PALM2AKAP2: variants seen among roughly 807,000 people sequenced by gnomAD.
PALM2AKAP2 encodes PALM2 and AKAP2 fusion, also known as PALM2-AKAP2 fusion protein.
A neutral mutation model predicts 71.5 loss-of-function variants in PALM2AKAP2; 37 were observed. The observed-to-expected ratio is 0.52, with a 90% CI of 0.40 to 0.68. PALM2AKAP2 has a LOEUF of 0.68. PALM2AKAP2 is among the 30% of genes least tolerant of loss of function. PALM2AKAP2 has a pLI of 0.00. For synonymous variants in PALM2AKAP2, 468 were observed against 478.8 expected, an observed-to-expected ratio of 0.98 and a Z score of 0.29; for missense variants, 1,224 against 1,191.8, an observed-to-expected ratio of 1.03 and a Z score of -0.40.
intron 2 of PALM2AKAP2, among the ~76,000 whole-genome samples, 174 bp from the exon 9 acceptor site, chr9:110,156,145 A>G (rs1413439160): frequency 6.6e-6 from 1 of 152,198 alleles, no homozygotes; most frequent in African/African-American, 2.4e-5. Flanking sequence ...GGGTTTGTGC[A>G]TTAACCTTAA....
At chr9:109,947,312 C>G (rs1831531508) in intron 6 of PALM2AKAP2, among the ~76,000 whole-genome samples, 1 of 152,108 alleles carries the variant, frequency 6.6e-6, no homozygotes, top group South Asian at 2.1e-4. Context: ...TGGTTAAAGT[C>G]AAGTTTTTAT....
intron 7 of PALM2AKAP2, among the ~76,000 whole-genome samples, chr9:110,029,738 C>G (rs1181133979): frequency 6.6e-6 from 1 of 152,212 alleles, no homozygotes. Flanking sequence ...AACCCAGTGA[C>G]AGAAACTATT....
chr9:110,068,658 A>C (rs1338176797), intron 1 of PALM2AKAP2, among the ~76,000 whole-genome samples: 1 of 151,940 alleles, frequency 6.6e-6, no homozygotes, highest in East Asian at 1.9e-4. Context: ...CAGCCTCCCG[A>C]GTAGCTGAGA....
At chr9:109,788,427 C>A (rs1827023275) in intron 1 of PALM2AKAP2, among the ~76,000 whole-genome samples, 3 of 152,192 alleles carry the variant, frequency 2.0e-5, no homozygotes, top group Admixed American at 2.0e-4. Flanking sequence ...AACAGTAATT[C>A]TCAAACGTTA....
intron 3 of PALM2AKAP2, among the ~76,000 whole-genome samples, chr9:110,160,679 T>C (rs537365744): frequency 3.6e-4 from 55 of 152,256 alleles, no homozygotes; most frequent in African/African-American, 1.3e-3. Context: ...AGATGATGGG[T>C]CATTGAGTCA....
chr9:110,076,557 G>C (rs1028971657), intron 1 of PALM2AKAP2, among the ~76,000 whole-genome samples: 2 of 141,678 alleles, frequency 1.4e-5, no homozygotes, highest in Admixed American at 7.1e-5. Flanking sequence ...GATGAAACTG[G>C]CAAGAATAAA....
chr9:109,813,802 G>A (rs528538229), intron 1 of PALM2AKAP2, among the ~76,000 whole-genome samples: 1 of 152,248 alleles, frequency 6.6e-6, no homozygotes, highest in Admixed American at 6.5e-5. Context: ...ATAACTCCTA[G>A]GTAGAACCAG....
intron 1 of PALM2AKAP2, among the ~76,000 whole-genome samples, chr9:109,655,247 C>T (rs1414387184): frequency 6.8e-6 from 1 of 147,984 alleles, no homozygotes; most frequent in Non-Finnish European, 1.5e-5. Context: ...ACCGCGTGAG[C>T]CGAGATCGGC....
At chr9:109,724,907 A>T (rs1001498753) in intron 1 of PALM2AKAP2, among the ~76,000 whole-genome samples, 4 of 152,228 alleles carry the variant, frequency 2.6e-5, no homozygotes, top group Non-Finnish European at 5.9e-5. Context: ...TGATCCTGAA[A>T]AAAACAGTGT....
intron 6 of PALM2AKAP2, 23 bp from the exon 7 acceptor site, chr9:110,015,931 G>A (rs747583137): frequency 1.9e-6 from 3 of 1,606,392 alleles, no homozygotes; most frequent in Admixed American, 3.4e-5. Flanking sequence ...TGGCTCAAAT[G>A]GCACTTCTTT....
intron 1 of PALM2AKAP2, among the ~76,000 whole-genome samples, chr9:109,772,356 C>A (rs917919150): frequency 3.3e-5 from 5 of 152,150 alleles, no homozygotes; most frequent in African/African-American, 1.2e-4. Flanking sequence ...TCTTTTTCCA[C>A]CCCCACCTCC....
chr9:109,824,381 C>G (rs955835319), intron 1 of PALM2AKAP2, among the ~76,000 whole-genome samples: 1 of 152,200 alleles, frequency 6.6e-6, no homozygotes, highest in African/African-American at 2.4e-5. Context: ...CTGCTCCCTG[C>G]TAGACTGCTA....
intron 1 of PALM2AKAP2, among the ~76,000 whole-genome samples, chr9:109,754,052 C>T (rs1404094923): frequency 6.6e-6 from 1 of 152,180 alleles, no homozygotes; most frequent in African/African-American, 2.4e-5. Flanking sequence ...CTGTACTCTG[C>T]ACATTGCTTC....
At chr9:109,889,272 A>G (rs1830035468) in intron 3 of PALM2AKAP2, among the ~76,000 whole-genome samples, 2 of 152,240 alleles carry the variant, frequency 1.3e-5, no homozygotes, top group Admixed American at 1.3e-4. Context: ...ATGACAGTTC[A>G]TAAAACCATG....
chr9:109,756,017 T>C (rs1409687277), intron 1 of PALM2AKAP2, among the ~76,000 whole-genome samples: 1 of 152,158 alleles, frequency 6.6e-6, no homozygotes, highest in Non-Finnish European at 1.5e-5. Flanking sequence ...CATAAACCCT[T>C]GTTCCCATCT....
chr9:109,922,280 G>C (rs1830848824), intron 3 of PALM2AKAP2, among the ~76,000 whole-genome samples: 1 of 151,592 alleles, frequency 6.6e-6, no homozygotes, highest in Non-Finnish European at 1.5e-5. Flanking sequence ...AAATTAGCTG[G>C]GCATGGTGGT....
intron 7 of PALM2AKAP2, among the ~76,000 whole-genome samples, chr9:110,027,417 T>G (rs1185151761): frequency 6.6e-6 from 1 of 152,230 alleles, no homozygotes; most frequent in Non-Finnish European, 1.5e-5. Context: ...CTTGCCCTCT[T>G]GTCCATATAT....
chr9:109,758,896 T>C (rs894225697), intron 1 of PALM2AKAP2, among the ~76,000 whole-genome samples: 1 of 152,148 alleles, frequency 6.6e-6, no homozygotes, highest in African/African-American at 2.4e-5. Context: ...TTGTGGGGTA[T>C]AATGTGAGAT....
chr9:109,777,465 C>G (rs1829364930), upstream of PALM2AKAP2, among the ~76,000 whole-genome samples: 1 of 152,232 alleles, frequency 6.6e-6, no homozygotes, highest in Non-Finnish European at 1.5e-5. Context: ...GACCCTGCTT[C>G]CCATGGGCTA....
Sources: allele counts gnomAD v4.1 joint callset (sites outside exome capture counted in the v4.1 genomes callset), GRCh38; gene constraint gnomAD v4.1.1; transcripts MANE v1.5; gene names NCBI Gene and HGNC (gene_info 2026-07-23, HGNC 2026-07-21).